PDS5A: variants seen among roughly 807,000 people sequenced by gnomAD.
The protein encoded by PDS5A is sister chromatid cohesion protein PDS5 homolog A.
Under a neutral mutation model 167.1 loss-of-function variants are expected in PDS5A, and 42 were observed. That is an observed-to-expected ratio of 0.25 (90% CI 0.20 to 0.33). The LOEUF (loss-of-function observed/expected upper bound fraction) is 0.33. PDS5A is among the 10% of genes least tolerant of loss of function. The probability of loss-of-function intolerance (pLI) is 1.00; values close to 1 mark genes in which losing one functional copy is unlikely to be tolerated. For synonymous variants in PDS5A, 553 were observed against 554.6 expected (o/e 1.00, Z 0.04); for missense variants, 1,033 against 1,605.9 (o/e 0.64, Z 6.10).
rs564345752 is a variant in PDS5A at position 39,960,183 on chromosome 4, C to T, written c.138+16257G>A. On this transcript the variant is annotated intron_variant, in intron 2 of 32. Transcript: ENST00000303538. ...TACTCGGGAGGCTAAGACACAGAAT[C>T]GCTTGAACCCAGGAGGCAAAGGTTG... 5.3e-5 allele frequency among the ~76,000 whole-genome samples: 8 copies of T among 152,144 alleles called. No homozygotes were observed. In the East Asian group the frequency reaches 1.5e-3, roughly 29 times the overall value.
intron 32 of PDS5A, among the ~76,000 whole-genome samples, chr4:39,832,549 T>C (rs1261262092): frequency 6.6e-6 from 1 of 152,032 alleles, no homozygotes; most frequent in Non-Finnish European, 1.5e-5. Context: ...TACTAACTTG[T>C]TATGTCTGAT....
chr4:39,901,219 T>C (rs1168611381), intron 13 of PDS5A, among the ~76,000 whole-genome samples: 3 of 151,898 alleles, frequency 2.0e-5, no homozygotes, highest in Non-Finnish European at 4.4e-5. Context: ...TACAACACTA[T>C]CGTAATAGAA....
intron 19 of PDS5A, among the ~76,000 whole-genome samples, chr4:39,875,823 G>GACAA (rs944622282): frequency 6.6e-6 from 1 of 152,048 alleles, no homozygotes; most frequent in Non-Finnish European, 1.5e-5. Flanking sequence ...ACTGGTGAAT[G>GACAA]ACAAAGGAAG....
Position 39,917,164 on chromosome 4 carries a change from C to A in PDS5A, c.760G>T (p.Gly254Ter). 1 of 1,558,720 alleles carries A rather than the reference C, an allele frequency of 6.4e-7. No homozygotes were observed. The highest frequency in any genetic ancestry group is 1.2e-5 in the South Asian group (1 of 80,392). Residue 254 changes from glycine to a stop codon, truncating the protein, a stop_gained, in exon 8 of 33, where the codon GGA (glycine) becomes TGA (stop). Transcript: ENST00000303538. LOFTEE classifies it high-confidence loss of function. ...ANFFNQVLVL[G>*]RSSVSDLSEH... ...GACAAATCACTTACTGATGATCTTCCCAGCACCAGGACTTGATTGAAAAAC... is the reference window on the plus strand; with the variant it reads ...GACAAATCACTTACTGATGATCTTCACAGCACCAGGACTTGATTGAAAAAC...
chr4:39,878,514 G>A (rs533815259), intron 18 of PDS5A, among the ~76,000 whole-genome samples: 9 of 151,904 alleles, frequency 5.9e-5, no homozygotes, highest in Non-Finnish European at 1.0e-4. Flanking sequence ...GGAGAATGGC[G>A]TGAACCTGGG....
intron 31 of PDS5A, among the ~76,000 whole-genome samples, chr4:39,839,753 CT>C (rs1224090327): frequency 8.2e-5 from 1 of 12,196 alleles, no homozygotes; most frequent in African/African-American, 3.6e-4. Context: ...GAATATGATT[CT>C]GGGGGGGGGG....
chr4:39,944,694 C>CAAAA (rs373241104), intron 2 of PDS5A, among the ~76,000 whole-genome samples: 26 of 86,064 alleles, frequency 3.0e-4, no homozygotes, highest in East Asian at 2.8e-3. Flanking sequence ...AACTCCATCT[C>CAAAA]AAAAAAAAAA....
At chr4:39,893,674 T>C (rs182314348) in intron 16 of PDS5A, among the ~76,000 whole-genome samples, 48 of 152,282 alleles carry the variant, frequency 3.2e-4, no homozygotes, top group African/African-American at 8.2e-4. Flanking sequence ...CAGTAGCCCA[T>C]AGGGGAAAGG....
At chr4:39,922,890 T>C (rs1725118041) in intron 5 of PDS5A, 142 bp from the exon 6 acceptor site, 4 of 1,041,926 alleles carry the variant, frequency 3.8e-6, no homozygotes, top group South Asian at 7.4e-5. Flanking sequence ...GTGCCAATAA[T>C]GGCAGAGAAA....
At position 39,904,170 on chromosome 4, in the gene PDS5A, T is replaced by C. The variant is rs1723108868; in HGVS notation, c.1255A>G (p.Met419Val). ...TTATAAAGCTGAGCCAGACCCATCA[T>C]AGCTTCTTTTCTTACTCGCCACTAA... is the stretch of plus-strand genomic sequence containing the variant. Reference protein sequence around the residue: ...DKRWRVRKEAMMGLAQLYKKY... With the variant: ...DKRWRVRKEAVMGLAQLYKKY... The change falls in exon 12 of 33, where the codon ATG becomes GTG. Residue 419 changes from methionine to valine, a missense_variant. This residue lies in a region of PDS5A where 388 missense variants were observed against 615.1 expected (regional missense o/e 0.63). Coordinates refer to ENST00000303538, the MANE Select transcript of PDS5A (RefSeq NM_001100399.2). The C allele has an allele frequency of 3.1e-6, 5 of 1,608,206 alleles. No homozygotes were observed. The highest frequency in any genetic ancestry group is 1.3e-5 in the African/African-American group (1 of 74,636).
intron 10 of PDS5A, 72 bp from the exon 11 acceptor site, chr4:39,908,612 C>T: frequency 1.1e-6 from 1 of 909,256 alleles, no homozygotes; most frequent in African/African-American, 1.7e-5. Flanking sequence ...ATGGCAAGAA[C>T]AGAAATATGT....
Position 39,823,853 on chromosome 4 carries a change from C to G in PDS5A, c.*1632G>C, listed in dbSNP as rs1288462307. 6.6e-6 allele frequency: 1 copy of G among 152,592 alleles called. No homozygotes were observed. Among genetic ancestry groups the G allele is most frequent in the Non-Finnish European group, 1.5e-5 (1 of 68,046 alleles). 9.5% of individuals were successfully genotyped at this position (152,592 alleles called of 1,614,324 possible). A position where few individuals can be genotyped will look rare whatever the true frequency, so the allele number is the denominator to read the frequency against. On this transcript the variant is annotated 3_prime_UTR_variant, in exon 33 of 33. Coordinates refer to ENST00000303538, the MANE Select transcript of PDS5A (RefSeq NM_001100399.2). The stretch of plus-strand genomic sequence containing the variant: ...AATTACCCATCTTTCAGTCAATACA[C>G]AGCCAACTCTTGATTATCTATGAGA...
At chr4:39,854,635 C>A (rs1718388205) in intron 26 of PDS5A, among the ~76,000 whole-genome samples, 1 of 152,132 alleles carries the variant, frequency 6.6e-6, no homozygotes, top group South Asian at 2.1e-4. Flanking sequence ...TAGGTACTCC[C>A]ACAATAGCAG....
intron 2 of PDS5A, among the ~76,000 whole-genome samples, chr4:39,942,345 T>A (rs980803079): frequency 6.6e-6 from 1 of 152,172 alleles, no homozygotes; most frequent in Non-Finnish European, 1.5e-5. Flanking sequence ...GACACTTTTT[T>A]AAATATGTGA....
rs369934532 is a variant in PDS5A at position 39,927,977 on chromosome 4, G to C, written c.326C>G (p.Ser109Cys). 117 of 1,612,256 alleles carry C rather than the reference G, an allele frequency of 7.3e-5. No homozygotes were observed. The East Asian group carries it at 2.2e-3, about 30-fold the overall frequency. Reference sequence around the variant, plus strand: ...TGTATTTACCTTAAGTTTATCATGGGAAGTATATGGAGCTTCTGGGGCATA... The same window carrying C: ...TGTATTTACCTTAAGTTTATCATGGCAAGTATATGGAGCTTCTGGGGCATA... ...RIYAPEAPYT[S>C]HDKLKDIFLF... The change falls in exon 3 of 33, where the codon TCC becomes TGC. Residue 109 changes from serine to cysteine, a missense_variant. Physicochemically the swap from Ser to Cys is moderately radical, Grantham distance 112. Around this residue, in one of 4 missense-constraint regions of PDS5A, gnomAD observed 388 missense variants for 615.1 expected, o/e 0.63. Transcript: ENST00000303538.
intron 22 of PDS5A, among the ~76,000 whole-genome samples, chr4:39,868,464 G>A (rs1560440551): frequency 6.6e-6 from 1 of 152,200 alleles, no homozygotes; most frequent in African/African-American, 2.4e-5. Flanking sequence ...AAGTAGCTGG[G>A]ATTACAGATG....
At chr4:39,871,544 ATTACC>A (rs1206870008) in intron 21 of PDS5A, among the ~76,000 whole-genome samples, 1 of 152,162 alleles carries the variant, frequency 6.6e-6, no homozygotes, top group Non-Finnish European at 1.5e-5. Flanking sequence ...AGGCCTCAAG[ATTACC>A]GAAACATGTG....
At chr4:39,905,690 GA>G (rs996438672) in intron 11 of PDS5A, among the ~76,000 whole-genome samples, 2 of 152,134 alleles carry the variant, frequency 1.3e-5, no homozygotes, top group African/African-American at 4.8e-5. Flanking sequence ...AGCAGAAACA[GA>G]GATAATACAG....
Position 39,976,621 on chromosome 4 carries a change from T to G in PDS5A, c.-40-4A>C. On this transcript the variant is annotated splice_region_variant and splice_polypyrimidine_tract_variant and intron_variant, in intron 1 of 32. Coordinates refer to ENST00000303538, the MANE Select transcript of PDS5A (RefSeq NM_001100399.2). ...GTTCACAGTCCTCTACCGGCCTCTATCGGTCAGAAAACCAAAGTTCAGCGG... is the reference window on the plus strand; with the variant it reads ...GTTCACAGTCCTCTACCGGCCTCTAGCGGTCAGAAAACCAAAGTTCAGCGG... 2 of 1,537,158 alleles carry G rather than the reference T, an allele frequency of 1.3e-6. No individual in the cohort carries two copies. The highest frequency in any genetic ancestry group is 1.8e-6 in the Non-Finnish European group (2 of 1,128,086).
Sources: allele counts gnomAD v4.1 joint callset (sites outside exome capture counted in the v4.1 genomes callset), GRCh38; gene constraint gnomAD v4.1.1; regional missense constraint gnomAD v4.1.1; transcripts MANE v1.5; gene names NCBI Gene and HGNC (gene_info 2026-07-23, HGNC 2026-07-21).